CPNE4: variants seen among roughly 807,000 people sequenced by gnomAD.
CPNE4 encodes the protein copine-4.
A neutral mutation model predicts 67.9 loss-of-function variants in CPNE4; 25 were observed. That is an observed-to-expected ratio of 0.37 (90% CI 0.27 to 0.51). CPNE4 has a LOEUF of 0.51. Ranked by LOEUF, CPNE4 falls within the 20% of genes least tolerant of loss-of-function variation. The pLI is 0.93. For missense variants in CPNE4, 464 were observed against 690.8 expected (o/e 0.67, Z 3.68); for synonymous variants, 242 against 244.9 (o/e 0.99, Z 0.11).
At chr3:131,583,773 T>A (rs1305222252) in intron 8 of CPNE4, among the ~76,000 whole-genome samples, 1 of 152,140 alleles carries the variant, frequency 6.6e-6, no homozygotes, top group African/African-American at 2.4e-5. Flanking sequence ...AGTTGGCATA[T>A]AACTATGGGC....
intron 2 of CPNE4, among the ~76,000 whole-genome samples, chr3:131,811,233 G>A (rs151221420): frequency 0.018 from 2,665 of 152,100 alleles, 30 homozygotes; most frequent in Middle Eastern, 0.031. Context: ...AAGGAGGTGG[G>A]AGAAAACTTT....
At chr3:131,997,790 T>C (rs1190077695) in intron 1 of CPNE4, among the ~76,000 whole-genome samples, 1 of 152,102 alleles carries the variant, frequency 6.6e-6, no homozygotes, top group African/African-American at 2.4e-5. Context: ...AGCGGCCAGA[T>C]TTGGCAGGTA....
chr3:131,961,072 G>C (rs2072155322), intron 1 of CPNE4, among the ~76,000 whole-genome samples: 1 of 152,114 alleles, frequency 6.6e-6, no homozygotes, highest in Non-Finnish European at 1.5e-5. Flanking sequence ...GACCACAGAG[G>C]TAATTAGGGG....
intron 1 of CPNE4, among the ~76,000 whole-genome samples, chr3:131,971,503 C>T (rs565524174): frequency 4.6e-5 from 7 of 152,312 alleles, no homozygotes; most frequent in African/African-American, 1.2e-4. Context: ...CCAGTCACTA[C>T]GTTAACATTT....
intron 7 of CPNE4, among the ~76,000 whole-genome samples, chr3:131,592,343 T>C (rs16837164): frequency 0.12 from 18,938 of 152,182 alleles, 1,541 homozygotes; most frequent in African/African-American, 0.23. Context: ...ACTACACAAC[T>C]AACACTAGGT....
chr3:131,940,233 A>G (rs921644405), intron 1 of CPNE4, among the ~76,000 whole-genome samples: 3 of 152,158 alleles, frequency 2.0e-5, no homozygotes, highest in African/African-American at 7.2e-5. Context: ...CAATGCTCAT[A>G]CATAATGTAT....
intron 3 of CPNE4, 49 bp downstream of exon 3, chr3:131,723,397 G>T: frequency 6.6e-7 from 1 of 1,526,250 alleles, no homozygotes; most frequent in Non-Finnish European, 9.0e-7. Context: ...GGGGCAGGAA[G>T]AAAGGCCCTA....
chr3:131,794,568 T>C (rs563363069), intron 2 of CPNE4, among the ~76,000 whole-genome samples: 9 of 152,304 alleles, frequency 5.9e-5, no homozygotes, highest in Admixed American at 1.3e-4. Flanking sequence ...AGGGATGTGG[T>C]TGACTTTGGT....
intron 2 of CPNE4, among the ~76,000 whole-genome samples, chr3:131,743,824 G>A (rs1205604335): frequency 5.3e-5 from 8 of 151,434 alleles, no homozygotes; most frequent in African/African-American, 7.3e-5. Context: ...TTAGCCGGGC[G>A]TGGTAGCGGG....
At chr3:131,674,807 C>A (rs986315918) in intron 6 of CPNE4, among the ~76,000 whole-genome samples, 3 of 151,170 alleles carry the variant, frequency 2.0e-5, no homozygotes, top group Admixed American at 2.0e-4. Flanking sequence ...ATTTAAATTT[C>A]ATTTATTTCT....
upstream of CPNE4, chr3:132,037,856 T>G: frequency 2.3e-6 from 1 of 425,538 alleles, no homozygotes; most frequent in Non-Finnish European, 4.3e-6. Flanking sequence ...ATGCAGTTGA[T>G]ACCATTTTTT....
chr3:131,948,594 A>G (rs1377504017), intron 1 of CPNE4, among the ~76,000 whole-genome samples: 1 of 152,188 alleles, frequency 6.6e-6, no homozygotes, highest in Non-Finnish European at 1.5e-5. Context: ...ACACAACTAT[A>G]CACTAGCTGT....
chr3:131,909,201 A>G (rs2088884188), intron 1 of CPNE4, among the ~76,000 whole-genome samples: 1 of 152,174 alleles, frequency 6.6e-6, no homozygotes, highest in Non-Finnish European at 1.5e-5. Context: ...CAGGTTCACA[A>G]GTCAGACAGT....
At chr3:131,968,435 G>A (rs979452077) in intron 1 of CPNE4, among the ~76,000 whole-genome samples, 8 of 152,180 alleles carry the variant, frequency 5.3e-5, no homozygotes, top group Non-Finnish European at 8.8e-5. Flanking sequence ...TACAGAATGG[G>A]AGAAAATGTT....
chr3:131,928,043 G>A (rs1306874487), intron 1 of CPNE4, among the ~76,000 whole-genome samples: 1 of 152,096 alleles, frequency 6.6e-6, no homozygotes, highest in Non-Finnish European at 1.5e-5. Flanking sequence ...GATTATAGGT[G>A]ATTTTAATTT....
intron 3 of CPNE4, among the ~76,000 whole-genome samples, chr3:131,721,239 C>CTTACTTACTTACTTACTT (rs1413208036): frequency 8.0e-5 from 12 of 149,780 alleles, no homozygotes; most frequent in African/African-American, 3.0e-4. Flanking sequence ...GTCTTACTTG[C>CTTACTTACTTACTTACTT]AAGGTTAAGG....
intron 7 of CPNE4, among the ~76,000 whole-genome samples, chr3:131,630,876 G>T (rs1260398186): frequency 6.6e-6 from 1 of 152,154 alleles, no homozygotes; most frequent in African/African-American, 2.4e-5. Context: ...CTCTTTGGGG[G>T]CTCAGCAGAT....
chr3:131,977,856 C>T (rs992935044), intron 1 of CPNE4, among the ~76,000 whole-genome samples: 1 of 151,042 alleles, frequency 6.6e-6, no homozygotes, highest in African/African-American at 2.4e-5. Context: ...CCTAGGTCCC[C>T]AAAGTCCACT....
intron 1 of CPNE4, among the ~76,000 whole-genome samples, chr3:132,016,930 G>C (rs933427780): frequency 1.4e-4 from 21 of 152,160 alleles, no homozygotes; most frequent in Non-Finnish European, 2.5e-4. Flanking sequence ...ACCTTCCTCA[G>C]AGTGAAGTCC....
Sources: gnomAD v4.1 joint callset for allele counts (sites outside exome capture counted in the v4.1 genomes callset) on GRCh38, gnomAD v4.1.1 for gene constraint, MANE v1.5 for transcripts, NCBI Gene and HGNC (gene_info 2026-07-23, HGNC 2026-07-21) for gene names.